Variants in AGK observed in about 807,000 individuals in gnomAD.
The protein encoded by AGK is acylglycerol kinase.
In AGK, 52 loss-of-function variants were observed where a neutral mutation model predicts 66.4. The observed-to-expected ratio is 0.78, with a 90% CI of 0.63 to 0.99. The LOEUF (loss-of-function observed/expected upper bound fraction) is 0.99, where lower values mean the gene tolerates loss of function less well. Ranked by LOEUF, AGK falls within the 50% of genes least tolerant of loss-of-function variation. The pLI is 0.00. For synonymous variants in AGK, 182 were observed against 181.1 expected (o/e 1.00, Z -0.04); for missense variants, 451 against 506.6 (o/e 0.89, Z 1.05).
At chr7:141,587,772 G>C (rs1489282043) in intron 2 of AGK, among the ~76,000 whole-genome samples, 1 of 152,182 alleles carries the variant, frequency 6.6e-6, no homozygotes, top group Non-Finnish European at 1.5e-5. Flanking sequence ...ATTGCATCTT[G>C]ATTACCTGTT....
At chr7:141,580,583 T>C (rs1159806653) in intron 2 of AGK, among the ~76,000 whole-genome samples, 15 of 151,790 alleles carry the variant, frequency 9.9e-5, no homozygotes, top group Non-Finnish European at 4.4e-5. Context: ...GCAGAAGGTA[T>C]ATGTGTCAGG....
rs1241813803 is a variant in AGK, at chr7:141,596,658, C to CTTGT, written c.221+19_221+22dup. On this transcript the variant is annotated intron_variant, in intron 4 of 15. Coordinates refer to ENST00000649286, the MANE Select transcript of AGK (RefSeq NM_018238.4). Reference sequence around the variant, plus strand: ...TTGCAAAGGGTAGTTCCGTTTGTGACTTGTTATATACTTGCTTTTTCTAAG... The same window carrying CTTGT: ...TTGCAAAGGGTAGTTCCGTTTGTGACTTGTTTGTTATATACTTGCTTTTTCTAAG... 1.2e-6 allele frequency: 2 copies of CTTGT among 1,608,818 alleles called. No individual in the cohort carries two copies. Among genetic ancestry groups the CTTGT allele is most frequent in the Non-Finnish European group, 1.7e-6 (2 of 1,175,284 alleles).
chr7:141,591,243 C>G (rs1392389996), intron 2 of AGK, among the ~76,000 whole-genome samples: 1 of 151,860 alleles, frequency 6.6e-6, no homozygotes, highest in Admixed American at 6.6e-5. Flanking sequence ...CAGGCATGCA[C>G]CAGCATGCCC....
Position 141,653,048 on chromosome 7 carries a change from C to T in AGK, c.*124C>T. Reference sequence around the variant, plus strand: ...CCCCAGGGCATTTTCATGGCAAGTACCCCTCTGCCCCCACTCCAGCAGTGC... The same window carrying T: ...CCCCAGGGCATTTTCATGGCAAGTATCCCTCTGCCCCCACTCCAGCAGTGC... On this transcript the variant is annotated 3_prime_UTR_variant, in exon 16 of 16. Transcript: ENST00000649286. 2 of 1,120,850 alleles carry T rather than the reference C, an allele frequency of 1.8e-6. No individual in the cohort carries two copies. Among genetic ancestry groups the T allele is most frequent in the Non-Finnish European group, 2.5e-6 (2 of 785,488 alleles). 69.4% of individuals were successfully genotyped at this position (1,120,850 alleles called of 1,614,324 possible).
rs568195338 is a variant in AGK at position 141,614,156 on chromosome 7, G to A, written c.401G>A (p.Gly134Asp). ...GDGTLQEVVTGVLRRTDEATF... is the reference protein window; with the variant it reads ...GDGTLQEVVTDVLRRTDEATF... Reference sequence around the variant, plus strand: ...TTATTACATTTGTAGGTTGTTACTGGTGTTCTTCGACGAACAGATGAGGTG... The same window carrying A: ...TTATTACATTTGTAGGTTGTTACTGATGTTCTTCGACGAACAGATGAGGTG... The change falls in exon 7 of 16, where the codon GGT becomes GAT. Residue 134 changes from glycine to aspartate, a missense_variant. Gly to Asp is a moderately conservative substitution (Grantham distance 94). Coordinates refer to ENST00000649286, the MANE Select transcript of AGK (RefSeq NM_018238.4). The A allele has an allele frequency of 7.2e-6, 11 of 1,536,282 alleles. No individual in the cohort carries two copies. In the African/African-American group the frequency reaches 1.5e-4, roughly 21 times the overall value.
At chr7:141,634,865 T>A (rs1797137445) in intron 10 of AGK, among the ~76,000 whole-genome samples, 1 of 152,122 alleles carries the variant, frequency 6.6e-6, no homozygotes, top group Admixed American at 6.5e-5. Flanking sequence ...TTCTCTCACT[T>A]GTTTCACTTT....
At chr7:141,632,474 C>T (rs761026869) in intron 9 of AGK, among the ~76,000 whole-genome samples, 13 of 152,112 alleles carry the variant, frequency 8.5e-5, no homozygotes, top group Non-Finnish European at 1.8e-4. Context: ...CTCCCCATGG[C>T]GTACATAGTT....
At chr7:141,638,081 C>T (rs1320603456) in intron 11 of AGK, among the ~76,000 whole-genome samples, 1 of 152,094 alleles carries the variant, frequency 6.6e-6, no homozygotes, top group Non-Finnish European at 1.5e-5. Context: ...ATTCAGCAAA[C>T]AATAGTTGAC....
At chr7:141,631,477 G>C in intron 9 of AGK, among the ~76,000 whole-genome samples, 1 of 152,146 alleles carries the variant, frequency 6.6e-6, no homozygotes, top group Non-Finnish European at 1.5e-5. Flanking sequence ...CTTATACTTT[G>C]ATAAAATCAT....
At chr7:141,588,985 G>T (rs1796051037) in intron 2 of AGK, among the ~76,000 whole-genome samples, 2 of 152,188 alleles carry the variant, frequency 1.3e-5, no homozygotes, top group African/African-American at 2.4e-5. Flanking sequence ...TTCACTGAAG[G>T]TTGTTTTATC....
At chr7:141,594,972 C>A (rs903540057) in intron 3 of AGK, among the ~76,000 whole-genome samples, 1 of 152,176 alleles carries the variant, frequency 6.6e-6, no homozygotes, top group African/African-American at 2.4e-5. Context: ...TATTCTAATT[C>A]TCCACTTCCC....
chr7:141,614,259 T>C (rs1004288520), intron 7 of AGK, 81 bp downstream of exon 7: 6 of 1,100,964 alleles, frequency 5.4e-6, no homozygotes, highest in African/African-American at 3.3e-5. Flanking sequence ...ACTTTTTTTT[T>C]CCATTGTATA....
At position 141,611,268 on chromosome 7, in the gene AGK, G is replaced by A; in HGVS notation, c.371G>A (p.Gly124Glu). 1.2e-6 allele frequency: 2 copies of A among 1,613,024 alleles called. No homozygotes were observed. The highest frequency in any genetic ancestry group is 2.2e-5 in the South Asian group (2 of 90,954). ...ACGGATGTGATCATTGTTGCAGGAG[G>A]AGATGGGACACTGCAGGAGGTATGA... ...ENTDVIIVAG[G>E]DGTLQEVVTG... Residue 124 changes from glycine (G) to glutamate (E), a missense_variant, in exon 6 of 16, where the codon GGA becomes GAA. By Grantham distance (98) the Gly-to-Glu change is moderately conservative. Coordinates refer to ENST00000649286, the MANE Select transcript of AGK (RefSeq NM_018238.4).
At chr7:141,628,285 A>G (rs1796982383) in intron 9 of AGK, among the ~76,000 whole-genome samples, 1 of 152,184 alleles carries the variant, frequency 6.6e-6, no homozygotes. Flanking sequence ...GGCTCTGTGT[A>G]TTGATGACAC....
Position 141,648,361 on chromosome 7 carries a change from C to T in AGK, c.976-902C>T, listed in dbSNP as rs1221607552. On this transcript the variant is annotated intron_variant, in intron 13 of 15. Coordinates refer to ENST00000649286, the MANE Select transcript of AGK (RefSeq NM_018238.4). ...TTGTTCATTGGTGTAACCCAAGCTC[C>T]GTGGGTTCATGGTGCATGACTGGCA... is the stretch of plus-strand genomic sequence containing the variant. 3.9e-5 allele frequency among the ~76,000 whole-genome samples: 6 copies of T among 152,146 alleles called. No homozygotes were observed. The East Asian group carries it at 7.7e-4, about 20-fold the overall frequency.
intron 2 of AGK, among the ~76,000 whole-genome samples, chr7:141,571,718 A>C (rs1324969620): frequency 6.6e-6 from 1 of 152,192 alleles, no homozygotes; most frequent in Non-Finnish European, 1.5e-5. Context: ...TATGGATTTG[A>C]ATCTTGACTT....
At position 141,580,706 on chromosome 7, in the gene AGK, G is replaced by A. The variant is rs117947963; in HGVS notation, c.102-12440G>A. Among the ~76,000 whole-genome samples the A allele has an allele frequency of 7.6e-3, 1,156 of 152,130 alleles. 38 individuals are homozygous for A. Among genetic ancestry groups the A allele is most frequent in the African/African-American group, 0.024 (977 of 41,386 alleles). ...ATTAAGGCAGCAGCAGCCACTGCAC[G>A]CAGACCATGAGGGCTAGGCTAAAAC... is the stretch of plus-strand genomic sequence containing the variant. On this transcript the variant is annotated intron_variant, in intron 2 of 15. Coordinates refer to ENST00000649286, the MANE Select transcript of AGK (RefSeq NM_018238.4).
chr7:141,558,527 G>C (rs1308989570), intron 2 of AGK, among the ~76,000 whole-genome samples: 2 of 152,058 alleles, frequency 1.3e-5, no homozygotes, highest in African/African-American at 2.4e-5. Context: ...CTTTACATCT[G>C]TCAATGGACA....
At position 141,586,034 on chromosome 7, in the gene AGK, G is replaced by A. The variant is rs190719717; in HGVS notation, c.102-7112G>A. 1.8e-3 allele frequency among the ~76,000 whole-genome samples: 268 copies of A among 152,008 alleles called. 1 individual carries two copies. The highest frequency in any genetic ancestry group is 6.3e-3 in the African/African-American group (260 of 41,442). On this transcript the variant is annotated intron_variant, in intron 2 of 15. Coordinates refer to ENST00000649286, the MANE Select transcript of AGK (RefSeq NM_018238.4). ...TTTTTTTTGGTTGGCTTGGAAATGA[G>A]GTCTTCAGTTCACATTCAGATTCTT...
Sources: allele counts gnomAD v4.1 joint callset (sites outside exome capture counted in the v4.1 genomes callset), GRCh38; gene constraint gnomAD v4.1.1; transcripts MANE v1.5; gene names NCBI Gene and HGNC (gene_info 2026-07-23, HGNC 2026-07-21).